GPATCH8: variants seen among roughly 807,000 people sequenced by gnomAD.
GPATCH8 encodes the protein G-patch domain containing 8.
GPATCH8 carries 18 observed loss-of-function variants against 118.3 expected under a neutral mutation model. That is an observed-to-expected ratio of 0.15 (90% CI 0.11 to 0.23). GPATCH8 has a LOEUF of 0.23. GPATCH8 is among the 10% of genes least tolerant of loss of function. GPATCH8 has a pLI of 1.00. For synonymous variants in GPATCH8, 659 were observed against 684.7 expected (o/e 0.96, Z 0.59); for missense variants, 1,631 against 1,873.8 (o/e 0.87, Z 2.39).
intron 4 of GPATCH8, among the ~76,000 whole-genome samples, chr17:44,435,964 G>C (rs1273886275): frequency 6.8e-6 from 1 of 147,344 alleles, no homozygotes; most frequent in South Asian, 2.1e-4. Context: ...GGGAGACGGA[G>C]GTTGCAGTGA....
chr17:44,473,686 G>C (rs1568040457), intron 2 of GPATCH8: 1 of 152,186 alleles, frequency 6.6e-6, no homozygotes, highest in Non-Finnish European at 1.5e-5. Context: ...AGAAACCCTA[G>C]AGAAGAAATT....
Position 44,398,825 on chromosome 17 carries a change from G to A in GPATCH8, c.3252C>T (p.Asp1084=). The change falls in exon 8 of 8, where the codon GAC becomes GAT. Residue 1084 remains aspartate, a synonymous_variant. Transcript: ENST00000591680. ...GCAGTTTGGCAGTGACAGAGTTCTTGTCTTCAGGACTGCAGTCACCTTCTG... is the reference window on the plus strand; with the variant it reads ...GCAGTTTGGCAGTGACAGAGTTCTTATCTTCAGGACTGCAGTCACCTTCTG... ...RGSEGDCSPE[D]KNSVTAKLLL... 6.2e-7 allele frequency: 1 copy of A among 1,613,992 alleles called. No homozygotes were observed.
intron 1 of GPATCH8, among the ~76,000 whole-genome samples, chr17:44,482,393 G>A (rs550614782): frequency 3.3e-4 from 50 of 151,954 alleles, no homozygotes; most frequent in Admixed American, 8.5e-4. Flanking sequence ...CCAACATGGT[G>A]AAACCCCGTC....
Position 44,444,592 on chromosome 17 carries a change from G to A in GPATCH8, c.194-8047C>T, listed in dbSNP as rs149693528. ...GGTCGAGATCAGCCTGGCCAACATGGCAAAACCTCGTCTGCATTTAAAATA... is the reference window on the plus strand; with the variant it reads ...GGTCGAGATCAGCCTGGCCAACATGACAAAACCTCGTCTGCATTTAAAATA... On this transcript the variant is annotated intron_variant, in intron 3 of 7. Coordinates refer to ENST00000591680, the MANE Select transcript of GPATCH8 (RefSeq NM_001002909.4). Among the ~76,000 whole-genome samples, 538 of 152,248 alleles carry A rather than the reference G, an allele frequency of 3.5e-3. 1 individual carries two copies. Among genetic ancestry groups the A allele is most frequent in the Non-Finnish European group, 4.9e-3 (330 of 68,004 alleles).
At chr17:44,474,570 C>A (rs879877200) in intron 2 of GPATCH8, 1 of 535,976 alleles carries the variant, frequency 1.9e-6, no homozygotes, top group South Asian at 2.0e-5. Flanking sequence ...CTACCTTCAA[C>A]AAAGTATCGG....
chr17:44,440,224 C>T (rs909046127), intron 3 of GPATCH8, among the ~76,000 whole-genome samples: 1 of 152,098 alleles, frequency 6.6e-6, no homozygotes, highest in African/African-American at 2.4e-5. Context: ...TCAACCAGAA[C>T]ACTAAATAAT....
At chr17:44,487,825 G>A (rs1968900291) in intron 1 of GPATCH8, among the ~76,000 whole-genome samples, 1 of 152,082 alleles carries the variant, frequency 6.6e-6, no homozygotes, top group South Asian at 2.1e-4. Context: ...TCACTACCAG[G>A]GATTAGTGAT....
chr17:44,460,338 G>A (rs1426279532), intron 3 of GPATCH8, among the ~76,000 whole-genome samples: 7 of 151,012 alleles, frequency 4.6e-5, no homozygotes, highest in Non-Finnish European at 8.8e-5. Context: ...AATAATTATC[G>A]GCCATATATA....
In GPATCH8 at chr17:44,483,982, T is replaced by C. The variant is rs199846394; in HGVS notation, c.46-9079A>G. 1.1e-4 allele frequency among the ~76,000 whole-genome samples: 16 copies of C among 152,154 alleles called. No homozygotes were observed. In the East Asian group the frequency reaches 1.5e-3, roughly 15 times the overall value. On this transcript the variant is annotated intron_variant, in intron 1 of 7. Coordinates refer to ENST00000591680, the MANE Select transcript of GPATCH8 (RefSeq NM_001002909.4). ...TCAGCGTCCCGAGTAGCTAGGACTATAGGCAAATGCCACCACACCCAGCTA... is the reference window on the plus strand; with the variant it reads ...TCAGCGTCCCGAGTAGCTAGGACTACAGGCAAATGCCACCACACCCAGCTA...
intron 1 of GPATCH8, among the ~76,000 whole-genome samples, chr17:44,488,123 C>G (rs1032266150): frequency 1.3e-5 from 2 of 151,566 alleles, no homozygotes; most frequent in African/African-American, 4.9e-5. Flanking sequence ...AGGGGTTTCA[C>G]CATGTTAGCC....
rs1567917529 is a variant in GPATCH8, at chr17:44,397,186, TG to T, written c.*381del. ...AGCAAGTGCTCTGGTGACAACCCAC[TG>T]GCCAGAGGGGAGGAAAATGTTTTAA... On this transcript the variant is annotated 3_prime_UTR_variant, in exon 8 of 8. Coordinates refer to ENST00000591680, the MANE Select transcript of GPATCH8 (RefSeq NM_001002909.4). 2.2e-6 allele frequency: 1 copy of T among 461,784 alleles called. No homozygotes were observed. Among genetic ancestry groups the T allele is most frequent in the South Asian group, 1.5e-5 (1 of 64,536 alleles). 28.6% of individuals were successfully genotyped at this position (461,784 alleles called of 1,614,324 possible).
intron 1 of GPATCH8, among the ~76,000 whole-genome samples, chr17:44,492,627 T>C (rs1170182279): frequency 6.6e-6 from 1 of 151,592 alleles, no homozygotes; most frequent in Admixed American, 6.6e-5. Context: ...CACCACCTAG[T>C]TTGGAGAGTT....
At chr17:44,429,682 ACAC>A (rs2050226290) in intron 5 of GPATCH8, among the ~76,000 whole-genome samples, 2 of 150,020 alleles carry the variant, frequency 1.3e-5, no homozygotes, top group African/African-American at 2.5e-5. Context: ...ACACACACAC[ACAC>A]AAAACAACAA....
intron 3 of GPATCH8, among the ~76,000 whole-genome samples, chr17:44,445,226 T>C (rs550740716): frequency 1.3e-5 from 2 of 152,292 alleles, no homozygotes; most frequent in South Asian, 2.1e-4. Flanking sequence ...ATTCAACATA[T>C]ATCGACAAAC....
chr17:44,467,339 G>GA (rs546506712), intron 2 of GPATCH8: 7 of 236,524 alleles, frequency 3.0e-5, no homozygotes, highest in South Asian at 1.9e-4. Flanking sequence ...GGGAGAGGGA[G>GA]AAAAAAAAGA....
At chr17:44,494,971 G>A (rs959017573) in intron 1 of GPATCH8, among the ~76,000 whole-genome samples, 2 of 152,062 alleles carry the variant, frequency 1.3e-5, no homozygotes, top group Non-Finnish European at 2.9e-5. Context: ...TTCCAACTGA[G>A]TGTACTTCCA....
At chr17:44,425,099 A>G (rs2050044077) in intron 5 of GPATCH8, among the ~76,000 whole-genome samples, 1 of 152,192 alleles carries the variant, frequency 6.6e-6, no homozygotes, top group South Asian at 2.1e-4. Flanking sequence ...TAAAAACTAG[A>G]CATCAAAAGA....
chr17:44,469,547 A>C (rs900024459), intron 2 of GPATCH8, among the ~76,000 whole-genome samples: 4 of 152,260 alleles, frequency 2.6e-5, no homozygotes, highest in African/African-American at 9.6e-5. Flanking sequence ...TACTAATTCT[A>C]TACTGAATTT....
Position 44,400,746 on chromosome 17 carries a change from C to A in GPATCH8, c.1331G>T (p.Ser444Ile). The A allele has an allele frequency of 6.2e-7, 1 of 1,613,566 alleles. No homozygotes were observed. The change falls in exon 8 of 8, where the codon AGC becomes ATC. Residue 444 changes from serine to isoleucine, a missense_variant. Ser to Ile is a moderately radical substitution (Grantham distance 142, BLOSUM62 -2). Transcript: ENST00000591680. ...TTGGCTTGCTGCCGCCTTGATGCAG[C>A]TTTTAGGCTTGGGAGAACTGCCTTT... ...SKKGSSPKPK[S>I]CIKAAASQGA...
Sources: gnomAD v4.1 joint callset for allele counts (sites outside exome capture counted in the v4.1 genomes callset) on GRCh38, gnomAD v4.1.1 for gene constraint, MANE v1.5 for transcripts, NCBI Gene and HGNC (gene_info 2026-07-23, HGNC 2026-07-21) for gene names.